The following MEGF8 variants were observed in gnomAD, a reference collection of about 807,000 sequenced individuals.
MEGF8 encodes multiple epidermal growth factor-like domains protein 8.
Under a neutral mutation model 302.9 loss-of-function variants are expected in MEGF8, and 156 were observed. The ratio of observed to expected loss-of-function variants is 0.52; its 90% CI spans 0.45 to 0.59. The LOEUF is 0.59. MEGF8 is among the 20% of genes least tolerant of loss of function. MEGF8 has a pLI of 0.00. For synonymous variants in MEGF8, 1,621 were observed against 1,660.5 expected (o/e 0.98, Z 0.58); for missense variants, 3,345 against 3,964.5 (o/e 0.84, Z 4.20).
At chr19:42,367,445 C>T (rs1337252630) in intron 35 of MEGF8, among the ~76,000 whole-genome samples, 9 of 152,258 alleles carry the variant, frequency 5.9e-5, no homozygotes, top group East Asian at 3.9e-4. Context: ...CCCGCCACCA[C>T]GCCTGGCTAA....
At chr19:42,335,271 G>A (rs757336048) in intron 4 of MEGF8, 26 bp from the exon 5 acceptor site, 2 of 1,613,992 alleles carry the variant, frequency 1.2e-6, no homozygotes, top group Non-Finnish European at 8.5e-7. Context: ...TATGGCCAGG[G>A]CATGAGACTA....
Position 42,350,231 on chromosome 19 carries a change from G to A in MEGF8, c.2583G>A (p.Gln861=). The A allele has an allele frequency of 6.2e-7, 1 of 1,613,224 alleles. No individual in the cohort carries two copies. The highest frequency in any genetic ancestry group is 8.5e-7 in the Non-Finnish European group (1 of 1,179,880). ...CCTGCCTGGGCTGCTTGGCAGACCAGGGCTGTGGCTGGTGCCTGACCAGTG... is the reference window on the plus strand; with the variant it reads ...CCTGCCTGGGCTGCTTGGCAGACCAAGGCTGTGGCTGGTGCCTGACCAGTG... ...YSSCLGCLAD[Q]GCGWCLTSAT... is the part of the protein sequence containing the mutation. Residue 861 remains glutamine, a synonymous_variant, in exon 15 of 42, where the codon CAG becomes CAA. Transcript: ENST00000251268.
chr19:42,356,477 GGATTCGCAAATAA>G lies in MEGF8; in HGVS notation c.4622+27_4622+39del. The G allele has an allele frequency of 6.5e-7, 1 of 1,534,890 alleles. No individual in the cohort carries two copies. ...AGGTGAGGACTGCCCTGGGCAGGTG[GGATTCGCAAATAA>G]GAGAAGGTCACCTCGGGATGCTAAG... On this transcript the variant is annotated intron_variant, in intron 26 of 41. Transcript: ENST00000251268. The surrounding 1 kb of genome is among the most constrained non-coding windows in gnomAD (Gnocchi z 5.2).
Position 42,331,015 on chromosome 19 carries a change from G to C in MEGF8, c.188-2590G>C, listed in dbSNP as rs560278239. On this transcript the variant is annotated intron_variant, in intron 1 of 41. Transcript: ENST00000251268. ...AGCCATGCAGGGCTTTGGGGCAGGG[G>C]AGGGACGGGGCCAGATGTTGAGTTG... 2.6e-5 allele frequency among the ~76,000 whole-genome samples: 4 copies of C among 152,264 alleles called. No homozygotes were observed. The South Asian group carries it at 8.3e-4, about 32-fold the overall frequency.
At chr19:42,340,052 C>T (rs980454708) in intron 8 of MEGF8, among the ~76,000 whole-genome samples, 3 of 152,088 alleles carry the variant, frequency 2.0e-5, no homozygotes, top group East Asian at 3.9e-4. Context: ...AGTGAGATTC[C>T]GTCCCCAAAA....
intron 13 of MEGF8, among the ~76,000 whole-genome samples, chr19:42,349,287 G>T (rs887211396): frequency 1.4e-5 from 2 of 144,248 alleles, no homozygotes; most frequent in African/African-American, 2.6e-5. Flanking sequence ...GTGATGGAAT[G>T]AGACCCTGTC....
chr19:42,356,291 G>GAA lies in MEGF8; in HGVS notation c.4504-44_4504-43insAA. ...CCCCTACACCCAGGCCTGGCACTTT[G>GAA]TCCTGACCCTAGCCTGATCCCCAAT... On this transcript the variant is annotated intron_variant, in intron 25 of 41. Coordinates refer to ENST00000251268, the MANE Select transcript of MEGF8 (RefSeq NM_001271938.2). This position sits in a 1 kb window ranked among gnomAD's most constrained non-coding sequence, Gnocchi z 5.2. The GAA allele has an allele frequency of 6.3e-7, 1 of 1,582,514 alleles. No individual in the cohort carries two copies. Among genetic ancestry groups the GAA allele is most frequent in the Non-Finnish European group, 8.6e-7 (1 of 1,165,072 alleles).
rs550322708 is a variant in MEGF8 at position 42,354,208 on chromosome 19, C to G, written c.4011+184C>G. On this transcript the variant is annotated intron_variant, in intron 22 of 41. Coordinates refer to ENST00000251268, the MANE Select transcript of MEGF8 (RefSeq NM_001271938.2). This position sits in a 1 kb window ranked among gnomAD's most constrained non-coding sequence, Gnocchi z 4.3. Reference sequence around the variant, plus strand: ...GTTCCTAGGCCCACAGACAGACCCCCCCATTTCCCAGATAGCTTCCTATTT... The same window carrying G: ...GTTCCTAGGCCCACAGACAGACCCCGCCATTTCCCAGATAGCTTCCTATTT... Among the ~76,000 whole-genome samples, 2 of 152,132 alleles carry G rather than the reference C, an allele frequency of 1.3e-5. No individual in the cohort carries two copies. Among genetic ancestry groups the G allele is most frequent in the African/African-American group, 4.8e-5 (2 of 41,480 alleles).
chr19:42,364,677 G>A (rs1172214851), intron 35 of MEGF8, among the ~76,000 whole-genome samples: 1 of 152,214 alleles, frequency 6.6e-6, no homozygotes, highest in Non-Finnish European at 1.5e-5. Context: ...AGTTTGCCTT[G>A]CGATCAAAAG....
In MEGF8 at chr19:42,376,345, G is replaced by A. The variant is rs1469019514; in HGVS notation, c.8108G>A (p.Cys2703Tyr). ...ASRPFAKVTVCFPPDPTAPAS... is the reference protein window; with the variant it reads ...ASRPFAKVTVYFPPDPTAPAS... Reference sequence around the variant, plus strand: ...CGCCCCTTCGCCAAGGTCACCGTCTGCTTCCCACCTGACCCTACTGCCCCG... The same window carrying A: ...CGCCCCTTCGCCAAGGTCACCGTCTACTTCCCACCTGACCCTACTGCCCCG... Residue 2703 changes from cysteine (C) to tyrosine (Y), a missense_variant, in exon 42 of 42, where the codon TGC becomes TAC. Coordinates refer to ENST00000251268, the MANE Select transcript of MEGF8 (RefSeq NM_001271938.2). The surrounding 1 kb of genome is among the most constrained non-coding windows in gnomAD (Gnocchi z 8.2). 1 of 1,613,602 alleles carries A rather than the reference G, an allele frequency of 6.2e-7. No homozygotes were observed. Among genetic ancestry groups the A allele is most frequent in the Middle Eastern group, 1.6e-4 (1 of 6,062 alleles).
chr19:42,326,422 T>A lies in MEGF8; in HGVS notation c.179T>A (p.Leu60His), dbSNP rs745986905. The A allele has an allele frequency of 6.4e-7, 1 of 1,552,810 alleles. No homozygotes were observed. The highest frequency in any genetic ancestry group is 8.7e-7 in the Non-Finnish European group (1 of 1,155,176). Residue 60 changes from leucine to histidine, a missense_variant, in exon 1 of 42, where the codon CTC becomes CAC. By Grantham distance (99) the Leu-to-His change is moderately conservative. Coordinates refer to ENST00000251268, the MANE Select transcript of MEGF8 (RefSeq NM_001271938.2). The part of the protein sequence containing the change: ...NYSVNGNCEW[L>H]IEAPSPQHRI... ...AGCGTCAATGGCAACTGCGAGTGGC[T>A]CATCGAGGGTGAGTGGGGCCGCGTG...
Position 42,371,432 on chromosome 19 carries a change from AC to A in MEGF8, c.7220del (p.Thr2407AsnfsTer64). The A allele has an allele frequency of 6.2e-7, 1 of 1,613,976 alleles. No individual in the cohort carries two copies. Among genetic ancestry groups the A allele is most frequent in the Non-Finnish European group, 8.5e-7 (1 of 1,179,892 alleles). ...CPCQNNTETGTCQGSSPSDRR... is the reference protein window; with the variant it reads ...CPCQNNTETGXCQGSSPSDRR... The stretch of plus-strand genomic sequence containing the variant: ...ATGTCAGAATAACACAGAGACGGGC[AC>A]ATGCCAGGGCAGCTCCCCCAGTGAC... On this transcript the variant is annotated frameshift_variant, in exon 41 of 42. Coordinates refer to ENST00000251268, the MANE Select transcript of MEGF8 (RefSeq NM_001271938.2). LOFTEE classifies it high-confidence loss of function.
Position 42,352,650 on chromosome 19 carries a change from A to T in MEGF8, c.3350+194A>T, listed in dbSNP as rs2039393381. 2 of 744,292 alleles carry T rather than the reference A, an allele frequency of 2.7e-6. No homozygotes were observed. Among genetic ancestry groups the T allele is most frequent in the Non-Finnish European group, 4.3e-6 (2 of 469,112 alleles). 46.1% of individuals were successfully genotyped at this position (744,292 alleles called of 1,614,324 possible). A position where few individuals can be genotyped will look rare whatever the true frequency, so the allele number is the denominator to read the frequency against. On this transcript the variant is annotated intron_variant, in intron 19 of 41. Transcript: ENST00000251268. The surrounding 1 kb of genome is among the most constrained non-coding windows in gnomAD (Gnocchi z 4.4). ...CAGTGTAACCCTGGTTACCATGGAA[A>T]TGGGGCACCCATAGGCTGTGGGCCA...
At position 42,377,835 on chromosome 19, in the gene MEGF8, T is replaced by G. The variant is rs1348197300; in HGVS notation, c.*1060T>G. The G allele has an allele frequency of 6.6e-6, 1 of 150,522 alleles. No homozygotes were observed. The highest frequency in any genetic ancestry group is 6.6e-5 in the Admixed American group (1 of 15,068). The allele number at this position is 150,522 out of a possible 1,614,324, so 9.3% of individuals were successfully genotyped here. A position where few individuals can be genotyped will look rare whatever the true frequency, so the allele number is the denominator to read the frequency against. ...GGTCACTCAGTTGTGCTGTGGAGAA[T>G]GGACCGGAGGGACAAGAGGGGCAGC... On this transcript the variant is annotated 3_prime_UTR_variant, in exon 42 of 42. Transcript: ENST00000251268.
intron 41 of MEGF8, among the ~76,000 whole-genome samples, 197 bp downstream of exon 41, chr19:42,371,679 T>TA (rs1329370137): frequency 1.3e-4 from 20 of 152,248 alleles, no homozygotes; most frequent in Non-Finnish European, 2.9e-4. Context: ...GGGACCAAGA[T>TA]ATGAGCCTCT....
Position 42,344,146 on chromosome 19 carries a change from G to T in MEGF8, c.1788+73G>T. The T allele has an allele frequency of 1.1e-5, 17 of 1,539,912 alleles. No individual in the cohort carries two copies. The highest frequency in any genetic ancestry group is 1.5e-5 in the Non-Finnish European group (17 of 1,145,604). On this transcript the variant is annotated intron_variant, in intron 10 of 41. Coordinates refer to ENST00000251268, the MANE Select transcript of MEGF8 (RefSeq NM_001271938.2). This position sits in a 1 kb window ranked among gnomAD's most constrained non-coding sequence, Gnocchi z 4.5. The stretch of plus-strand genomic sequence containing the variant: ...CTCAGTGTCTCCCTCTGCCTAACCA[G>T]ATGGACAAGAACTTTCCCTCAACTG...
intron 8 of MEGF8, among the ~76,000 whole-genome samples, chr19:42,339,563 TG>T (rs887573505): frequency 6.6e-5 from 10 of 152,254 alleles, no homozygotes; most frequent in African/African-American, 2.4e-4. Flanking sequence ...TTAATGGGGT[TG>T]TTTTTTGCTT....
chr19:42,337,883 G>A (rs1291514102), intron 8 of MEGF8, among the ~76,000 whole-genome samples: 5 of 151,876 alleles, frequency 3.3e-5, no homozygotes, highest in Non-Finnish European at 5.9e-5. Context: ...AGCTCACTGC[G>A]ACCTCCACCT....
rs1484359649 is a variant in MEGF8 at position 42,356,316 on chromosome 19, T to C, written c.4504-19T>C. On this transcript the variant is annotated intron_variant, in intron 25 of 41. Coordinates refer to ENST00000251268, the MANE Select transcript of MEGF8 (RefSeq NM_001271938.2). This position sits in a 1 kb window ranked among gnomAD's most constrained non-coding sequence, Gnocchi z 5.2. ...GTCCTGACCCTAGCCTGATCCCCAA[T>C]GTCCGCACCCACCCCTAGGACACTG... The C allele has an allele frequency of 1.9e-6, 3 of 1,605,546 alleles. No homozygotes were observed. The highest frequency in any genetic ancestry group is 1.1e-5 in the South Asian group (1 of 89,302).
Sources: allele counts gnomAD v4.1 joint callset (sites outside exome capture counted in the v4.1 genomes callset), GRCh38; gene constraint gnomAD v4.1.1; non-coding constraint Gnocchi (gnomAD v3.1); transcripts MANE v1.5; gene names NCBI Gene and HGNC (gene_info 2026-07-23, HGNC 2026-07-21).